NLRP12: variants seen among roughly 807,000 people sequenced by gnomAD.
The protein encoded by NLRP12 is NACHT, LRR and PYD domains-containing protein 12.
A neutral mutation model predicts 91.2 loss-of-function variants in NLRP12; 108 were observed. The observed-to-expected ratio is 1.18, with a 90% CI of 1.01 to 1.39. The LOEUF (loss-of-function observed/expected upper bound fraction) is 1.39, where lower values mean the gene tolerates loss of function less well. Among genes scored for constraint, NLRP12 ranks in the 40% most tolerant of loss-of-function variants. The pLI is 0.00. For missense variants in NLRP12, 1,530 were observed against 1,352.7 expected (o/e 1.13, Z -2.06); for synonymous variants, 613 against 566.7 (o/e 1.08, Z -1.16).
chr19:53,801,506 C>T, intron 6 of NLRP12, 109 bp from the exon 7 acceptor site: 4 of 1,425,494 alleles, frequency 2.8e-6, no homozygotes, highest in African/African-American at 1.6e-5. Flanking sequence ...GGCTGGAATG[C>T]AGTGGTGCAA....
intron 9 of NLRP12, 84 bp from the exon 10 acceptor site, chr19:53,794,220 G>T: frequency 1.1e-6 from 1 of 925,072 alleles, no homozygotes; most frequent in Non-Finnish European, 1.8e-6. Context: ...GTGCACTACC[G>T]TGGTAAGATA....
Position 53,794,030 on chromosome 19 carries a change from A to G in NLRP12, c.*19T>C, listed in dbSNP as rs2091699291. 3 of 1,574,566 alleles carry G rather than the reference A, an allele frequency of 1.9e-6. No individual in the cohort carries two copies. The highest frequency in any genetic ancestry group is 1.3e-5 in the African/African-American group (1 of 74,134). ...TTCCTCTGTCCAGATCTCAGGGGAGAGCCAGCAGATAGGACCATTCAGCAG... is the reference window on the plus strand; with the variant it reads ...TTCCTCTGTCCAGATCTCAGGGGAGGGCCAGCAGATAGGACCATTCAGCAG... On this transcript the variant is annotated 3_prime_UTR_variant, in exon 10 of 10. Transcript: ENST00000324134.
rs749913514 is a variant in NLRP12, at chr19:53,804,056, TG to T, written c.2480del (p.Pro827HisfsTer8). 14 of 1,614,054 alleles carry T rather than the reference TG, an allele frequency of 8.7e-6. No homozygotes were observed. In the South Asian group the frequency reaches 1.4e-4, roughly 16 times the overall value. On this transcript the variant is annotated frameshift_variant, in exon 6 of 10. Transcript: ENST00000324134. LOFTEE classifies it high-confidence loss of function. ...QEMASVLGTN[P>X]HLVELDLTGN... ...CTGTCAGGTCCAACTCAACCAGATG[TG>T]GGTTGGTGCCGAGCACAGAAGCCAT...
At chr19:53,821,464 C>G (rs1568699711) in intron 1 of NLRP12, among the ~76,000 whole-genome samples, 1 of 152,000 alleles carries the variant, frequency 6.6e-6, no homozygotes. Context: ...GTCAGGAGAT[C>G]GAGACCATCC....
rs1427695443 is a variant in NLRP12, at chr19:53,811,220, G to A, written c.439C>T (p.Leu147=). Residue 147 remains leucine, a synonymous_variant, in exon 3 of 10, where the codon CTA becomes TTA. Transcript: ENST00000324134. ...TGGCTGAGGTTGACACATTCCCCTA[G>A]GCGCGCATTGCGGTCTTCCATGAGC... ...FRLMEDRNAR[L]GECVNLSHRY... 6.2e-6 allele frequency: 10 copies of A among 1,614,004 alleles called. No individual in the cohort carries two copies. Among genetic ancestry groups the A allele is most frequent in the Non-Finnish European group, 7.6e-6 (9 of 1,180,038 alleles).
intron 3 of NLRP12, chr19:53,808,435 G>A (rs1230616258): frequency 6.5e-6 from 1 of 153,384 alleles, no homozygotes; most frequent in Admixed American, 6.5e-5. Flanking sequence ...ACCGATAAAA[G>A]GGATATAGAG....
intron 1 of NLRP12, among the ~76,000 whole-genome samples, chr19:53,818,534 G>C (rs1023025269): frequency 2.6e-5 from 4 of 151,640 alleles, no homozygotes; most frequent in Admixed American, 6.6e-5. Flanking sequence ...GCGTGGTGGC[G>C]GGTGCCTGTA....
chr19:53,804,795 A>G (rs2091931201), intron 5 of NLRP12, among the ~76,000 whole-genome samples: 1 of 150,584 alleles, frequency 6.6e-6, no homozygotes, highest in African/African-American at 2.4e-5. Flanking sequence ...TGGGAGGCCA[A>G]GGTGGGTGGA....
At chr19:53,813,281 CTTTT>C (rs34880938) in intron 2 of NLRP12, among the ~76,000 whole-genome samples, 6 of 111,564 alleles carry the variant, frequency 5.4e-5, no homozygotes, top group Non-Finnish European at 7.3e-5. Context: ...AACTGCTATT[CTTTT>C]TTTTTTTTCT....
At position 53,809,737 on chromosome 19, in the gene NLRP12, A is replaced by G. The variant is rs1405519522; in HGVS notation, c.1922T>C (p.Ile641Thr). 6 of 1,613,924 alleles carry G rather than the reference A, an allele frequency of 3.7e-6. No homozygotes were observed. The highest frequency in any genetic ancestry group is 1.7e-5 in the Admixed American group (1 of 59,974). The change falls in exon 3 of 10, where the codon ATT becomes ACT. Residue 641 changes from isoleucine to threonine, a missense_variant. By Grantham distance (89) the Ile-to-Thr change is moderately conservative. Transcript: ENST00000324134. ...SHFQVIVVSNIASKMEHMVSS... is the reference protein window; with the variant it reads ...SHFQVIVVSNTASKMEHMVSS... Reference sequence around the variant, plus strand: ...GACCATGTGCTCCATCTTGGAGGCAATGTTGCTGACCACGATCACCTGGAA... The same window carrying G: ...GACCATGTGCTCCATCTTGGAGGCAGTGTTGCTGACCACGATCACCTGGAA...
At chr19:53,808,084 GGCCTTGCCCT>G (rs1036931937) in intron 3 of NLRP12, 4 of 350,030 alleles carry the variant, frequency 1.1e-5, no homozygotes, top group African/African-American at 8.6e-5. Flanking sequence ...TTTTTTAGAG[GGCCTTGCCCT>G]GTTGTCTAGG....
chr19:53,819,906 G>A (rs2092242168), intron 1 of NLRP12, among the ~76,000 whole-genome samples: 1 of 151,058 alleles, frequency 6.6e-6, no homozygotes, highest in South Asian at 2.1e-4. Flanking sequence ...GGAAAAGAAG[G>A]AAGGAAGGAG....
rs2092032026 is a variant in NLRP12, at chr19:53,809,851, C to T, written c.1808G>A (p.Gly603Asp). 1 of 1,613,994 alleles carries T rather than the reference C, an allele frequency of 6.2e-7. No individual in the cohort carries two copies. ...QWIQSKAQSD[G>D]STLQQGSLEF... ...CAAGGAGCCCTGCTGCAGGGTGGAGCCGTCGCTCTGAGCTTTGCTTTGGAT... is the reference window on the plus strand; with the variant it reads ...CAAGGAGCCCTGCTGCAGGGTGGAGTCGTCGCTCTGAGCTTTGCTTTGGAT... Residue 603 changes from glycine to aspartate, a missense_variant, in exon 3 of 10, where the codon GGC (glycine) becomes GAC (aspartate). Gly to Asp is a moderately conservative substitution (Grantham distance 94). Transcript: ENST00000324134.
intron 2 of NLRP12, among the ~76,000 whole-genome samples, chr19:53,813,307 T>C (rs1317456838): frequency 1.7e-5 from 2 of 120,492 alleles, no homozygotes; most frequent in African/African-American, 3.0e-5. Flanking sequence ...TTCTTTTTTT[T>C]TTTTTTTTTT....
chr19:53,802,159 G>A (rs181829690), intron 6 of NLRP12, among the ~76,000 whole-genome samples: 6 of 151,954 alleles, frequency 3.9e-5, no homozygotes, highest in East Asian at 2.0e-4. Context: ...CCCAGGAGGC[G>A]GAGGTTGCCG....
chr19:53,808,876 G>C (rs744759), intron 3 of NLRP12, among the ~76,000 whole-genome samples: 101,924 of 151,694 alleles, frequency 0.67, 34,404 homozygotes, highest in Non-Finnish European at 0.71. Context: ...GATGTCAGTA[G>C]TATTATTTGC....
intron 4 of NLRP12, among the ~76,000 whole-genome samples, chr19:53,806,391 TA>T (rs1043952432): frequency 6.7e-5 from 10 of 149,928 alleles, no homozygotes; most frequent in Non-Finnish European, 1.3e-4. Flanking sequence ...ATACAAAAAT[TA>T]GCCTGGTGTG....
chr19:53,823,373 ATAT>A (rs1332125846), intron 1 of NLRP12, among the ~76,000 whole-genome samples: 1 of 129,556 alleles, frequency 7.7e-6, no homozygotes, highest in African/African-American at 2.9e-5. Context: ...ATATTTAATA[ATAT>A]AATTATATAC....
At position 53,807,495 on chromosome 19, in the gene NLRP12, C is replaced by T. The variant is rs1468212533; in HGVS notation, c.2243G>A (p.Arg748Lys). The T allele has an allele frequency of 1.9e-6, 3 of 1,613,676 alleles. No homozygotes were observed. The highest frequency in any genetic ancestry group is 2.5e-6 in the Non-Finnish European group (3 of 1,179,834). Residue 748 changes from arginine (R) to lysine (K), a missense_variant and splice_region_variant, in exon 4 of 10, where the codon AGG (arginine) becomes AAG (lysine). Coordinates refer to ENST00000324134, the MANE Select transcript of NLRP12 (RefSeq NM_144687.4). Reference sequence around the variant, plus strand: ...AACGCCCAGACCAGCCTGCACTCACCTCAGGTTCTGAAGTTTGCAGTTGGG... The same window carrying T: ...AACGCCCAGACCAGCCTGCACTCACTTCAGGTTCTGAAGTTTGCAGTTGGG... ...RHPNCKLQNL[R>K]LKRCRISSSA... is the part of the protein sequence containing the mutation.
Sources: allele counts gnomAD v4.1 joint callset (sites outside exome capture counted in the v4.1 genomes callset), GRCh38; gene constraint gnomAD v4.1.1; transcripts MANE v1.5; gene names NCBI Gene and HGNC (gene_info 2026-07-23, HGNC 2026-07-21).